NLK: variants seen among roughly 807,000 people sequenced by gnomAD.
NLK encodes the protein nemo like kinase.
A neutral mutation model predicts 59.0 loss-of-function variants in NLK; 11 were observed. The observed-to-expected ratio is 0.19, with a 90% CI of 0.12 to 0.31. The LOEUF (loss-of-function observed/expected upper bound fraction) is 0.31, where lower values mean the gene tolerates loss of function less well. Among genes scored for constraint, NLK ranks in the 10% least tolerant of loss-of-function variants. The pLI is 1.00. For missense variants in NLK, 410 were observed against 661.1 expected (o/e 0.62, Z 4.16); for synonymous variants, 235 against 235.9 (o/e 1.00, Z 0.03).
intron 1 of NLK, among the ~76,000 whole-genome samples, chr17:28,045,263 G>A (rs749219665): frequency 2.0e-5 from 3 of 152,206 alleles, no homozygotes; most frequent in Non-Finnish European, 2.9e-5. Context: ...AGCCCCTTGA[G>A]GGTAAGGATT....
chr17:28,187,909 A>G (rs766784808), intron 8 of NLK, among the ~76,000 whole-genome samples: 6 of 152,164 alleles, frequency 3.9e-5, no homozygotes, highest in Non-Finnish European at 8.8e-5. Flanking sequence ...TTTAAAAATA[A>G]AGAAATTAGG....
At chr17:28,091,971 T>C (rs1385602198) in intron 1 of NLK, among the ~76,000 whole-genome samples, 1 of 152,228 alleles carries the variant, frequency 6.6e-6, no homozygotes, top group Admixed American at 6.5e-5. Context: ...AATTTTATTT[T>C]AACATCTTTT....
intron 3 of NLK, among the ~76,000 whole-genome samples, chr17:28,153,808 A>G (rs1907586577): frequency 6.6e-6 from 1 of 152,284 alleles, no homozygotes; most frequent in African/African-American, 2.4e-5. Flanking sequence ...GCAATTTTTT[A>G]TGTCACCATC....
rs559641936 is a variant in NLK at position 28,054,583 on chromosome 17, T to C, written c.458+11252T>C. 1.1e-4 allele frequency among the ~76,000 whole-genome samples: 16 copies of C among 152,362 alleles called. 1 individual carries two copies. The South Asian group carries it at 3.3e-3, about 32-fold the overall frequency. On this transcript the variant is annotated intron_variant, in intron 1 of 10. Coordinates refer to ENST00000407008, the MANE Select transcript of NLK (RefSeq NM_016231.5). ...GTTATAATATTCACTTAGTGATATA[T>C]ACAGGGATTAAATTATACTCCTTAT...
intron 1 of NLK, chr17:28,048,108 T>G (rs1160445632): frequency 2.5e-6 from 1 of 394,834 alleles, no homozygotes; most frequent in Non-Finnish European, 4.5e-6. Flanking sequence ...AAATCTGTAT[T>G]GTTAATTTTA....
At chr17:28,196,620 A>G (rs2142078234), downstream of NLK, among the ~76,000 whole-genome samples, 1 of 152,366 alleles carries the variant, frequency 6.6e-6, no homozygotes, top group Middle Eastern at 3.4e-3. Flanking sequence ...AAGTCTTTTT[A>G]GACCTTGGAG....
intron 7 of NLK, among the ~76,000 whole-genome samples, chr17:28,181,982 C>T (rs556784762): frequency 2.0e-5 from 3 of 152,180 alleles, no homozygotes; most frequent in Admixed American, 2.0e-4. Context: ...TGCGCTCCAG[C>T]CTGGGGGACA....
chr17:28,127,398 A>G (rs1906334710), intron 2 of NLK, among the ~76,000 whole-genome samples: 1 of 152,228 alleles, frequency 6.6e-6, no homozygotes, highest in Non-Finnish European at 1.5e-5. Context: ...AAAAACAGAT[A>G]TGGCCTATCT....
In NLK at chr17:28,191,218, A is replaced by G. The variant is rs753053015; in HGVS notation, c.1434A>G (p.Lys478=). The G allele has an allele frequency of 6.2e-7, 1 of 1,604,224 alleles. No homozygotes were observed. Among genetic ancestry groups the G allele is most frequent in the South Asian group, 1.1e-5 (1 of 89,176 alleles). The change falls in exon 9 of 11, where the codon AAA becomes AAG. Residue 478 remains lysine, a splice_region_variant and synonymous_variant. Transcript: ENST00000407008. ...EKNLSSVRQV[K]EIIHQFILEQ... ...ACCTCAGTTCTGTCCGACAGGTTAAAGGTGAGTATCTGTTTTGGCCTTTGG... is the reference window on the plus strand; with the variant it reads ...ACCTCAGTTCTGTCCGACAGGTTAAGGGTGAGTATCTGTTTTGGCCTTTGG...
chr17:28,046,173 A>T (rs887432490), intron 1 of NLK, among the ~76,000 whole-genome samples: 2 of 152,228 alleles, frequency 1.3e-5, no homozygotes, highest in Non-Finnish European at 2.9e-5. Context: ...TGTAGAAGTG[A>T]TGCAGCATTT....
At chr17:28,113,782 AC>A (rs962893240) in intron 1 of NLK, among the ~76,000 whole-genome samples, 1 of 151,662 alleles carries the variant, frequency 6.6e-6, no homozygotes. Context: ...ATTTTACCCA[AC>A]CCCCATTCAA....
the NLK span, among the ~76,000 whole-genome samples, chr17:28,202,707 C>T: frequency 1.5e-5 from 2 of 135,706 alleles, no homozygotes; most frequent in Non-Finnish European, 3.1e-5. Context: ...TTTTTTGAGA[C>T]AGGCGCGCAC....
chr17:28,089,522 A>G (rs1200324329), intron 1 of NLK, among the ~76,000 whole-genome samples: 1 of 150,830 alleles, frequency 6.6e-6, no homozygotes, highest in Non-Finnish European at 1.5e-5. Context: ...GTTTAGGGCT[A>G]TTAGAAACAA....
intron 1 of NLK, among the ~76,000 whole-genome samples, chr17:28,073,310 G>A (rs2142758736): frequency 6.6e-6 from 1 of 152,248 alleles, no homozygotes; most frequent in East Asian, 1.9e-4. Flanking sequence ...ATTTGTAAAG[G>A]TATAGTTAAT....
At chr17:28,138,144 T>A (rs1906836438) in intron 3 of NLK, among the ~76,000 whole-genome samples, 1 of 152,210 alleles carries the variant, frequency 6.6e-6, no homozygotes, top group African/African-American at 2.4e-5. Flanking sequence ...TTCTGGATGC[T>A]CTACAATGCA....
intron 2 of NLK, among the ~76,000 whole-genome samples, chr17:28,125,669 G>C (rs867384346): frequency 1.3e-5 from 2 of 152,120 alleles, no homozygotes; most frequent in Non-Finnish European, 2.9e-5. Context: ...CTCAGGGCCA[G>C]CATAACTACT....
chr17:28,074,747 G>A (rs1910114181), intron 1 of NLK, among the ~76,000 whole-genome samples: 1 of 152,148 alleles, frequency 6.6e-6, no homozygotes, highest in Non-Finnish European at 1.5e-5. Context: ...GAAAAGAGCA[G>A]TAGGATGAAA....
At chr17:28,088,006 C>T (rs1294524809) in intron 1 of NLK, among the ~76,000 whole-genome samples, 2 of 152,082 alleles carry the variant, frequency 1.3e-5, no homozygotes, top group Non-Finnish European at 2.9e-5. Flanking sequence ...GGAGTGGTTC[C>T]CTCTCTTATT....
At chr17:28,132,001 CAG>C (rs1906538945) in intron 2 of NLK, among the ~76,000 whole-genome samples, 1 of 152,174 alleles carries the variant, frequency 6.6e-6, no homozygotes, top group Non-Finnish European at 1.5e-5. Context: ...GAATCTGCCT[CAG>C]TGTCTTTACA....
Sources: gnomAD v4.1 joint callset for allele counts (sites outside exome capture counted in the v4.1 genomes callset) on GRCh38, gnomAD v4.1.1 for gene constraint, MANE v1.5 for transcripts, NCBI Gene and HGNC (gene_info 2026-07-23, HGNC 2026-07-21) for gene names.